The following PRDM1 variants were observed in gnomAD, a reference collection of about 807,000 sequenced individuals.
PRDM1 encodes the protein PR/SET domain 1, also known as PR domain zinc finger protein 1.
Under a neutral mutation model 62.8 loss-of-function variants are expected in PRDM1, and 13 were observed. The ratio of observed to expected loss-of-function variants is 0.21; its 90% CI spans 0.13 to 0.33. The LOEUF is 0.33. PRDM1 is among the 10% of genes least tolerant of loss of function. The probability of loss-of-function intolerance (pLI) is 1.00; values close to 1 mark genes in which losing one functional copy is unlikely to be tolerated. For missense variants in PRDM1, 895 were observed against 1,058.8 expected, an observed-to-expected ratio of 0.85 and a Z score of 2.15; for synonymous variants, 396 against 417.6, an observed-to-expected ratio of 0.95 and a Z score of 0.63.
At position 106,098,184 on chromosome 6, in the gene PRDM1, T is replaced by C. The variant is rs1442211563; in HGVS notation, c.412-1116T>C. The C allele has an allele frequency of 4.1e-6, 4 of 985,150 alleles. No homozygotes were observed. The African/African-American group carries it at 7.0e-5, about 17-fold the overall frequency. 61.0% of individuals were successfully genotyped at this position (985,150 alleles called of 1,614,324 possible). A position where few individuals can be genotyped will look rare whatever the true frequency, so the allele number is the denominator to read the frequency against. ...GCTACGAACAGTGCCTTACTGCTGC[T>C]TGGAGACTGCAAGTCGCAGATCACA... On this transcript the variant is annotated intron_variant, in intron 3 of 6. Transcript: ENST00000369096.
In PRDM1 at chr6:106,107,291, C is replaced by T. The variant is rs767847344; in HGVS notation, c.2283C>T (p.Ala761=). ...VISVVEKEIL[A]VVRKEKEETG... is the part of the protein sequence containing the mutation. ...CTGTAGTGGAGAAGGAAATTCTGGC[C>T]GTGGTCAGAAAAGAGAAAGAAGAAA... The change falls in exon 7 of 7, where the codon GCC becomes GCT. Residue 761 remains alanine, a synonymous_variant. Coordinates refer to ENST00000369096, the MANE Select transcript of PRDM1 (RefSeq NM_001198.4). The T allele has an allele frequency of 1.1e-5, 18 of 1,614,014 alleles. No individual in the cohort carries two copies. The highest frequency in any genetic ancestry group is 4.5e-5 in the East Asian group (2 of 44,882).
rs1774415685 is a variant in PRDM1, at chr6:106,105,071, C to T, written c.911C>T (p.Pro304Leu). The T allele has an allele frequency of 1.2e-6, 2 of 1,614,158 alleles. No individual in the cohort carries two copies. Among genetic ancestry groups the T allele is most frequent in the Non-Finnish European group, 1.7e-6 (2 of 1,180,046 alleles). The stretch of plus-strand genomic sequence containing the variant: ...CGGGTCGTTTACCCCATCCGGGCCC[C>T]TCTGCCAGAAGACTTTTTGAAAGCT... ...YPRVVYPIRAPLPEDFLKASL... is the reference protein window; with the variant it reads ...YPRVVYPIRALLPEDFLKASL... The change falls in exon 5 of 7, where the codon CCT becomes CTT. Residue 304 changes from proline to leucine, a missense_variant. Around this residue, in one of 4 missense-constraint regions of PRDM1, gnomAD observed 444 missense variants for 422.7 expected, o/e 1.05. Coordinates refer to ENST00000369096, the MANE Select transcript of PRDM1 (RefSeq NM_001198.4).
chr6:106,037,080 C>T (rs1226962552), intron 1 of PRDM1, among the ~76,000 whole-genome samples: 1 of 152,180 alleles, frequency 6.6e-6, no homozygotes, highest in Non-Finnish European at 1.5e-5. Context: ...CTAGTAGTAA[C>T]CAATTTCCTC....
chr6:106,081,227 T>A (rs896818735), intron 1 of PRDM1, among the ~76,000 whole-genome samples: 1 of 152,222 alleles, frequency 6.6e-6, no homozygotes, highest in Non-Finnish European at 1.5e-5. Flanking sequence ...GAACTTCTTC[T>A]GGTGTCACCA....
chr6:106,054,323 T>A (rs531234906), intron 1 of PRDM1, among the ~76,000 whole-genome samples: 1 of 152,148 alleles, frequency 6.6e-6, no homozygotes, highest in African/African-American at 2.4e-5. Flanking sequence ...TTTAAAGCAT[T>A]TAAAAATCTT....
upstream of PRDM1, among the ~76,000 whole-genome samples, chr6:106,082,966 A>G (rs1352574401): frequency 1.3e-5 from 2 of 152,122 alleles, no homozygotes; most frequent in African/African-American, 2.4e-5. Context: ...ACTCATACAC[A>G]CATACTCGCT....
chr6:106,076,034 C>A (rs1351607959), intron 1 of PRDM1, among the ~76,000 whole-genome samples: 1 of 151,954 alleles, frequency 6.6e-6, no homozygotes, highest in Non-Finnish European at 1.5e-5. Flanking sequence ...TCACTGTAAC[C>A]TCCACTTCCC....
At chr6:106,073,105 CTTTTT>C (rs202236727) in intron 1 of PRDM1, among the ~76,000 whole-genome samples, 2 of 137,666 alleles carry the variant, frequency 1.5e-5, no homozygotes, top group African/African-American at 2.7e-5. Context: ...TTCCTCTTTT[CTTTTT>C]TTTTTTTTTT....
chr6:106,048,958 G>A (rs974789191), intron 1 of PRDM1, among the ~76,000 whole-genome samples: 2 of 151,994 alleles, frequency 1.3e-5, no homozygotes, highest in Non-Finnish European at 2.9e-5. Flanking sequence ...TGGGATTACA[G>A]GCATGTGCCA....
At chr6:106,003,924 T>C (rs996731127) in intron 1 of PRDM1, among the ~76,000 whole-genome samples, 8 of 151,918 alleles carry the variant, frequency 5.3e-5, no homozygotes, top group African/African-American at 1.9e-4. Flanking sequence ...GGAGAGTGAG[T>C]GGTGAATCAG....
At chr6:106,041,934 G>A (rs893179048) in intron 1 of PRDM1, among the ~76,000 whole-genome samples, 29 of 149,920 alleles carry the variant, frequency 1.9e-4, no homozygotes, top group African/African-American at 6.4e-4. Context: ...CAGCCTCCCA[G>A]GTAGCTCAGA....
At chr6:106,095,788 A>G in intron 3 of PRDM1, 54 bp downstream of exon 3, 3 of 1,593,964 alleles carry the variant, frequency 1.9e-6, no homozygotes, top group Non-Finnish European at 2.6e-6. Flanking sequence ...AAATGGAGCT[A>G]AAAGAGCTGG....
intron 1 of PRDM1, among the ~76,000 whole-genome samples, chr6:106,068,608 A>G (rs1337726507): frequency 2.6e-5 from 4 of 152,182 alleles, no homozygotes; most frequent in African/African-American, 9.7e-5. Context: ...TACCATCCAC[A>G]GTCATACATG....
intron 1 of PRDM1, among the ~76,000 whole-genome samples, chr6:106,067,680 G>C (rs1773454071): frequency 6.6e-6 from 1 of 152,158 alleles, no homozygotes; most frequent in African/African-American, 2.4e-5. Context: ...CAGAATCAGA[G>C]ACACAAGGTA....
Position 106,105,700 on chromosome 6 carries a change from A to G in PRDM1, c.1540A>G (p.Ser514Gly), listed in dbSNP as rs1457508784. ...GAAGGACAAGGCCTGTAGCCCCACA[A>G]GCGGGTCTCCCACGGCGGGAACAGC... ...SMKDKACSPT[S>G]GSPTAGTAAT... Residue 514 changes from serine to glycine, a missense_variant, in exon 5 of 7, where the codon AGC becomes GGC. Around this residue, in one of 4 missense-constraint regions of PRDM1, gnomAD observed 444 missense variants for 422.7 expected, o/e 1.05. Coordinates refer to ENST00000369096, the MANE Select transcript of PRDM1 (RefSeq NM_001198.4). 1.2e-6 allele frequency: 2 copies of G among 1,613,676 alleles called. No individual in the cohort carries two copies. Among genetic ancestry groups the G allele is most frequent in the African/African-American group, 1.3e-5 (1 of 74,892 alleles).
At chr6:106,017,136 T>C (rs1234997654) in intron 1 of PRDM1, among the ~76,000 whole-genome samples, 1 of 152,168 alleles carries the variant, frequency 6.6e-6, no homozygotes, top group Non-Finnish European at 1.5e-5. Context: ...GCTTATGTTA[T>C]TGGTTCTGGT....
upstream of PRDM1, among the ~76,000 whole-genome samples, chr6:106,082,678 C>G (rs1773713202): frequency 6.6e-6 from 1 of 152,038 alleles, no homozygotes; most frequent in Non-Finnish European, 1.5e-5. Context: ...TACTTGTGTT[C>G]TTGAATTTAC....
At chr6:106,104,689 G>T in intron 4 of PRDM1, 136 bp from the exon 5 acceptor site, 2 of 1,130,926 alleles carry the variant, frequency 1.8e-6, no homozygotes, top group South Asian at 3.1e-5. Flanking sequence ...GAATGAGAGT[G>T]CGTTGGAAGC....
At chr6:106,037,264 T>C (rs1398383446) in intron 1 of PRDM1, among the ~76,000 whole-genome samples, 2 of 152,228 alleles carry the variant, frequency 1.3e-5, no homozygotes, top group Non-Finnish European at 2.9e-5. Context: ...GAGAAATCAG[T>C]TGATGATCTC....
Sources: gnomAD v4.1 joint callset for allele counts (sites outside exome capture counted in the v4.1 genomes callset) on GRCh38, gnomAD v4.1.1 for gene constraint, gnomAD v4.1.1 regional missense constraint, MANE v1.5 for transcripts, NCBI Gene and HGNC (gene_info 2026-07-23, HGNC 2026-07-21) for gene names.